PCDH9: variants seen among roughly 807,000 people sequenced by gnomAD.
The protein encoded by PCDH9 is protocadherin-9.
PCDH9 carries 24 observed loss-of-function variants against 70.6 expected under a neutral mutation model. That is an observed-to-expected ratio of 0.34 (90% confidence interval 0.25 to 0.48). PCDH9 has a LOEUF of 0.48. Among genes scored for constraint, PCDH9 ranks in the 20% least tolerant of loss-of-function variants. The pLI, the probability that PCDH9 is intolerant of heterozygous loss-of-function variation, is 0.99. For synonymous variants in PCDH9, 562 were observed against 558.5 expected, an observed-to-expected ratio of 1.01 and a Z score of -0.09; for missense variants, 1,281 against 1,503.6, an observed-to-expected ratio of 0.85 and a Z score of 2.45.
intron 2 of PCDH9, among the ~76,000 whole-genome samples, chr13:66,926,062 T>C (rs144044957): frequency 6.6e-6 from 1 of 152,008 alleles, no homozygotes; most frequent in African/African-American, 2.4e-5. Context: ...CCCTTCCTTG[T>C]CTAAGCAATG....
rs190711113 is a variant in PCDH9, at chr13:66,982,169, G to A, written c.3037-78564C>T. Reference sequence around the variant, plus strand: ...TTTCACAATGTGAAGTGCCTGCTCCGGCTTCGCCTTCCACCGTGAGTAAAA... The same window carrying A: ...TTTCACAATGTGAAGTGCCTGCTCCAGCTTCGCCTTCCACCGTGAGTAAAA... On this transcript the variant is annotated intron_variant, in intron 2 of 4. Transcript: ENST00000377865. Among the ~76,000 whole-genome samples the A allele has an allele frequency of 4.6e-5, 7 of 152,050 alleles. No homozygotes were observed. In the South Asian group the frequency reaches 6.2e-4, roughly 14 times the overall value.
chr13:66,645,688 T>G (rs2077762027), intron 3 of PCDH9, among the ~76,000 whole-genome samples: 2 of 152,274 alleles, frequency 1.3e-5, no homozygotes, highest in South Asian at 4.1e-4. Flanking sequence ...TAGAGCTCTT[T>G]AGTCAGCTAT....
chr13:67,003,886 G>C (rs1298694971), intron 2 of PCDH9, among the ~76,000 whole-genome samples: 1 of 152,164 alleles, frequency 6.6e-6, no homozygotes, highest in African/African-American at 2.4e-5. Context: ...AGGTATATCT[G>C]TCACGAGTTC....
chr13:66,743,799 A>G (rs1039981154), intron 3 of PCDH9, among the ~76,000 whole-genome samples: 1 of 152,184 alleles, frequency 6.6e-6, no homozygotes, highest in African/African-American at 2.4e-5. Flanking sequence ...AAGTTAAAAA[A>G]TTGAAAATAA....
chr13:66,882,311 T>A (rs769398908), intron 3 of PCDH9, among the ~76,000 whole-genome samples: 1 of 152,184 alleles, frequency 6.6e-6, no homozygotes, highest in East Asian at 1.9e-4. Flanking sequence ...AAATAATATT[T>A]ATTTGTGATG....
intron 4 of PCDH9, among the ~76,000 whole-genome samples, chr13:66,465,133 A>T (rs1160643156): frequency 6.6e-6 from 1 of 151,884 alleles, no homozygotes; most frequent in African/African-American, 2.4e-5. Context: ...GGGTGATTTA[A>T]TAGCAAGAAG....
At chr13:67,198,547 G>A (rs1157640326) in intron 2 of PCDH9, among the ~76,000 whole-genome samples, 2 of 151,848 alleles carry the variant, frequency 1.3e-5, no homozygotes, top group Non-Finnish European at 2.9e-5. Context: ...GTTGCTAAGT[G>A]TGGCATGTGA....
At chr13:66,954,000 A>G (rs1405397011) in intron 2 of PCDH9, among the ~76,000 whole-genome samples, 1 of 152,198 alleles carries the variant, frequency 6.6e-6, no homozygotes, top group African/African-American at 2.4e-5. Flanking sequence ...GACAGCCAGC[A>G]TGCTTCACAC....
At chr13:66,855,197 G>C (rs2081375693) in intron 3 of PCDH9, among the ~76,000 whole-genome samples, 1 of 152,016 alleles carries the variant, frequency 6.6e-6, no homozygotes, top group South Asian at 2.1e-4. Context: ...TGTGCCCTTG[G>C]ATCATGTCCT....
chr13:66,340,737 G>A (rs748725023), intron 4 of PCDH9, among the ~76,000 whole-genome samples: 1 of 152,134 alleles, frequency 6.6e-6, no homozygotes, highest in Non-Finnish European at 1.5e-5. Context: ...TATACAAAGA[G>A]GTGAGGTGTT....
chr13:66,571,929 G>A (rs976335973), intron 4 of PCDH9, among the ~76,000 whole-genome samples: 1 of 151,810 alleles, frequency 6.6e-6, no homozygotes, highest in Non-Finnish European at 1.5e-5. Flanking sequence ...ATAATTTGTT[G>A]TAGTTGTTCC....
At chr13:66,418,714 C>T (rs1957505933) in intron 4 of PCDH9, among the ~76,000 whole-genome samples, 1 of 151,770 alleles carries the variant, frequency 6.6e-6, no homozygotes, top group Non-Finnish European at 1.5e-5. Context: ...CAAAAACTAG[C>T]AGAGGACAAG....
At chr13:66,488,393 C>T (rs961532223) in intron 4 of PCDH9, among the ~76,000 whole-genome samples, 1 of 152,028 alleles carries the variant, frequency 6.6e-6, no homozygotes, top group East Asian at 1.9e-4. Flanking sequence ...CAGTTGAGGG[C>T]CAAATGAGTG....
chr13:66,403,319 A>G (rs1957222657), intron 4 of PCDH9, among the ~76,000 whole-genome samples: 7 of 149,276 alleles, frequency 4.7e-5, no homozygotes, highest in Admixed American at 3.3e-4. Context: ...TGTTTTTTGT[A>G]TTTTTTTTGT....
chr13:67,095,400 A>G (rs1481407022), intron 2 of PCDH9, among the ~76,000 whole-genome samples: 5 of 152,152 alleles, frequency 3.3e-5, no homozygotes, highest in African/African-American at 1.2e-4. Flanking sequence ...TTAAAAAGTA[A>G]TATATTTAAG....
intron 2 of PCDH9, among the ~76,000 whole-genome samples, chr13:67,000,930 T>C (rs1007631966): frequency 4.6e-5 from 7 of 152,224 alleles, no homozygotes; most frequent in African/African-American, 1.7e-4. Flanking sequence ...AAATCTTTAT[T>C]GGTAGTTTTT....
At chr13:66,387,173 C>T (rs953994744) in intron 4 of PCDH9, among the ~76,000 whole-genome samples, 5 of 152,144 alleles carry the variant, frequency 3.3e-5, no homozygotes, top group Non-Finnish European at 5.9e-5. Context: ...TATTGTTCCT[C>T]TCCTGACTGT....
At chr13:66,740,282 T>C (rs1020074721) in intron 3 of PCDH9, among the ~76,000 whole-genome samples, 2 of 121,816 alleles carry the variant, frequency 1.6e-5, no homozygotes, top group Non-Finnish European at 3.5e-5. Context: ...AAGATGTTCT[T>C]TGAAACCAAC....
At position 66,559,829 on chromosome 13, in the gene PCDH9, T is replaced by TACACACAC. The variant is rs1269887462; in HGVS notation, c.3340+71380_3340+71381insGTGTGTGT. On this transcript the variant is annotated intron_variant, in intron 4 of 4. Transcript: ENST00000377865. The stretch of plus-strand genomic sequence containing the variant: ...AAAAAAAAAAAAAAATATATATATA[T>TACACACAC]ATATACACACACACACACACACACA... 2.0e-4 allele frequency among the ~76,000 whole-genome samples: 24 copies of TACACACAC among 122,686 alleles called. No individual in the cohort carries two copies. The East Asian group carries it at 6.1e-3, about 31-fold the overall frequency. 80.5% of individuals were successfully genotyped at this position (122,686 alleles called of 152,430 possible). A position where few individuals can be genotyped will look rare whatever the true frequency, so the allele number is the denominator to read the frequency against.
Sources: gnomAD v4.1 joint callset for allele counts (sites outside exome capture counted in the v4.1 genomes callset) on GRCh38, gnomAD v4.1.1 for gene constraint, MANE v1.5 for transcripts, NCBI Gene and HGNC (gene_info 2026-07-23, HGNC 2026-07-21) for gene names.